Variants in GABBR2 observed in about 807,000 individuals in gnomAD.
GABBR2 encodes G-protein coupled receptor 51.
GABBR2 carries 23 observed loss-of-function variants against 105.6 expected under a neutral mutation model. The observed-to-expected ratio is 0.22, with a 90% CI of 0.16 to 0.31. The LOEUF (loss-of-function observed/expected upper bound fraction) is 0.31, where lower values mean the gene tolerates loss of function less well. Ranked by LOEUF, GABBR2 falls within the 10% of genes least tolerant of loss-of-function variation. The pLI is 1.00. For missense variants in GABBR2, 734 were observed against 1,245.5 expected (o/e 0.59, Z 6.18); for synonymous variants, 478 against 499.7 (o/e 0.96, Z 0.58).
chr9:98,606,973 C>T (rs566626332), intron 1 of GABBR2: 12 of 780,964 alleles, frequency 1.5e-5, no homozygotes, highest in Non-Finnish European at 2.1e-5. Flanking sequence ...GCATCCAAAC[C>T]GCTGCTCGCC....
chr9:98,666,978 G>C (rs1830344096), intron 1 of GABBR2, among the ~76,000 whole-genome samples: 1 of 152,036 alleles, frequency 6.6e-6, no homozygotes, highest in Non-Finnish European at 1.5e-5. Context: ...TGATCCACTG[G>C]GATAGTGCTC....
intron 2 of GABBR2, among the ~76,000 whole-genome samples, chr9:98,553,380 G>A (rs1044919340): frequency 1.3e-4 from 20 of 152,048 alleles, no homozygotes; most frequent in African/African-American, 4.8e-4. Context: ...GATTGCCTGA[G>A]GCCAGGAGTT....
chr9:98,611,008 C>CA (rs1310086787), intron 1 of GABBR2, among the ~76,000 whole-genome samples: 5 of 151,662 alleles, frequency 3.3e-5, no homozygotes, highest in Admixed American at 6.6e-5. Flanking sequence ...AACGAACAAA[C>CA]AAAAAAAACA....
At chr9:98,432,880 C>T (rs1052004559) in intron 7 of GABBR2, among the ~76,000 whole-genome samples, 6 of 152,134 alleles carry the variant, frequency 3.9e-5, no homozygotes, top group Middle Eastern at 3.2e-3. Context: ...CTGGTCACCA[C>T]CACTCATAAA....
intron 1 of GABBR2, among the ~76,000 whole-genome samples, chr9:98,614,745 G>A (rs1588253502): frequency 6.6e-6 from 1 of 151,538 alleles, no homozygotes; most frequent in Non-Finnish European, 1.5e-5. Flanking sequence ...GGAAGAAGGG[G>A]GAAAGGAGAA....
At position 98,488,801 on chromosome 9, in the gene GABBR2, C is replaced by T. The variant is rs185012043; in HGVS notation, c.732+7612G>A. 9.5e-5 allele frequency among the ~76,000 whole-genome samples: 14 copies of T among 147,258 alleles called. No individual in the cohort carries two copies. The East Asian group carries it at 2.4e-3, about 25-fold the overall frequency. On this transcript the variant is annotated intron_variant, in intron 4 of 18. Transcript: ENST00000259455. ...GCTGACTGAGGAGTGTGGGTGGACA[C>T]GAAGCTGGGAGGCATGCCGTGGAGG...
chr9:98,298,940 C>T (rs577387654), intron 17 of GABBR2, among the ~76,000 whole-genome samples: 6 of 152,320 alleles, frequency 3.9e-5, no homozygotes, highest in Admixed American at 2.0e-4. Flanking sequence ...TGTGCCTGCC[C>T]CCAGTCAGGA....
intron 17 of GABBR2, among the ~76,000 whole-genome samples, chr9:98,297,725 C>CA (rs201944443): frequency 6.7e-6 from 1 of 150,358 alleles, no homozygotes; most frequent in South Asian, 2.1e-4. Flanking sequence ...TAGAGAAATA[C>CA]AAAAAAGGTA....
chr9:98,477,513 C>G (rs903931569), intron 5 of GABBR2, among the ~76,000 whole-genome samples: 2 of 152,200 alleles, frequency 1.3e-5, no homozygotes, highest in African/African-American at 4.8e-5. Flanking sequence ...GTTGGGATCA[C>G]AGGCATGAGC....
At chr9:98,367,562 C>T (rs1831704984) in intron 12 of GABBR2, among the ~76,000 whole-genome samples, 1 of 152,034 alleles carries the variant, frequency 6.6e-6, no homozygotes, top group Non-Finnish European at 1.5e-5. Context: ...ATGATGGTTG[C>T]ACAATACAAA....
At chr9:98,504,931 A>G (rs991241777) in intron 3 of GABBR2, among the ~76,000 whole-genome samples, 2 of 152,226 alleles carry the variant, frequency 1.3e-5, no homozygotes, top group South Asian at 2.1e-4. Flanking sequence ...AGCTAATTAA[A>G]AAATTAGCCT....
intron 4 of GABBR2, among the ~76,000 whole-genome samples, chr9:98,489,440 CCA>C (rs1263765126): frequency 2.6e-5 from 4 of 152,068 alleles, no homozygotes; most frequent in African/African-American, 9.7e-5. Flanking sequence ...CTCTGTGGGC[CCA>C]GAGACCCTAA....
intron 3 of GABBR2, among the ~76,000 whole-genome samples, chr9:98,514,499 G>A (rs1342725185): frequency 1.3e-5 from 2 of 150,714 alleles, no homozygotes; most frequent in African/African-American, 4.9e-5. Flanking sequence ...GTCCTTTGCA[G>A]GGACATGGAT....
chr9:98,338,545 T>A (rs1409629522), intron 13 of GABBR2, among the ~76,000 whole-genome samples: 2 of 152,220 alleles, frequency 1.3e-5, no homozygotes, highest in Non-Finnish European at 2.9e-5. Flanking sequence ...TAGTCATTAG[T>A]TATTTGATAG....
intron 18 of GABBR2, among the ~76,000 whole-genome samples, chr9:98,291,974 A>G (rs1057498340): frequency 1.3e-5 from 2 of 152,186 alleles, no homozygotes; most frequent in Non-Finnish European, 2.9e-5. Context: ...AGCAAGGGAA[A>G]AGGGAGCTGC....
chr9:98,558,224 A>G (rs1265109858), intron 2 of GABBR2, among the ~76,000 whole-genome samples: 1 of 152,126 alleles, frequency 6.6e-6, no homozygotes, highest in East Asian at 1.9e-4. Flanking sequence ...AAAGCAAAAA[A>G]CCTTTTTGTG....
intron 13 of GABBR2, among the ~76,000 whole-genome samples, chr9:98,342,675 A>G (rs1427550058): frequency 6.6e-6 from 1 of 152,156 alleles, no homozygotes; most frequent in African/African-American, 2.4e-5. Flanking sequence ...TATGTGTGAC[A>G]AGACCAGCCT....
chr9:98,352,185 A>AAGCT (rs1434223062), intron 13 of GABBR2, among the ~76,000 whole-genome samples: 3 of 152,246 alleles, frequency 2.0e-5, no homozygotes, highest in African/African-American at 7.2e-5. Flanking sequence ...GACACCAGGC[A>AAGCT]AGCTGGTCCT....
intron 1 of GABBR2, among the ~76,000 whole-genome samples, chr9:98,605,881 C>T (rs1829410411): frequency 1.3e-5 from 2 of 152,084 alleles, no homozygotes; most frequent in African/African-American, 2.4e-5. Context: ...CCCGTTAACT[C>T]GTCATTTACG....
Sources: gnomAD v4.1 joint callset for allele counts (sites outside exome capture counted in the v4.1 genomes callset) on GRCh38, gnomAD v4.1.1 for gene constraint, MANE v1.5 for transcripts, NCBI Gene and HGNC (gene_info 2026-07-23, HGNC 2026-07-21) for gene names.